The following RPL24 variants were observed in gnomAD, a reference collection of about 807,000 sequenced individuals.
The protein encoded by RPL24 is large ribosomal subunit protein eL24.
In RPL24, 7 loss-of-function variants were observed where a neutral mutation model predicts 26.4. That is an observed-to-expected ratio of 0.27 (90% CI 0.15 to 0.50). RPL24 has a LOEUF of 0.50. RPL24 is among the 20% of genes least tolerant of loss of function. RPL24 has a pLI of 0.98. For synonymous variants in RPL24, 67 were observed against 65.2 expected, an observed-to-expected ratio of 1.03 and a Z score of -0.13; for missense variants, 109 against 194.9, an observed-to-expected ratio of 0.56 and a Z score of 2.62.
rs1193224331 is a variant in RPL24 at position 101,686,471 on chromosome 3, C to A, written c.81+11G>T. On this transcript the variant is annotated intron_variant, in intron 2 of 5. Coordinates refer to ENST00000394077, the MANE Select transcript of RPL24 (RefSeq NM_000986.4). ...TACAAGAAGGTAGGTGAAGCCGACG[C>A]GGCTTTTTACCTTCCCGTCGGTCCT... is the stretch of plus-strand genomic sequence containing the variant. 1 of 1,612,480 alleles carries A rather than the reference C, an allele frequency of 6.2e-7. No homozygotes were observed. Among genetic ancestry groups the A allele is most frequent in the Non-Finnish European group, 8.5e-7 (1 of 1,179,200 alleles).
At chr3:101,686,119 T>C (rs2108341671) in intron 2 of RPL24, 191 bp from the exon 3 acceptor site, 1 of 579,870 alleles carries the variant, frequency 1.7e-6, no homozygotes, top group South Asian at 2.1e-5. Flanking sequence ...TCCTTGCGTT[T>C]AGTCTTTTCT....
At chr3:101,683,613 G>A (rs1937289398) in intron 3 of RPL24, among the ~76,000 whole-genome samples, 1 of 68,964 alleles carries the variant, frequency 1.5e-5, no homozygotes, top group African/African-American at 3.8e-5. Flanking sequence ...GTATTTACCT[G>A]TTTAATATTC....
intron 2 of RPL24, chr3:101,686,225 C>T (rs1937340140): frequency 1.7e-6 from 1 of 582,328 alleles, no homozygotes; most frequent in Non-Finnish European, 3.1e-6. Context: ...CCAAAGGGTA[C>T]CTCCGTACCT....
At chr3:101,684,111 G>A (rs1045785736) in intron 3 of RPL24, among the ~76,000 whole-genome samples, 1 of 151,912 alleles carries the variant, frequency 6.6e-6, no homozygotes, top group Non-Finnish European at 1.5e-5. Flanking sequence ...CTCTTGCCTG[G>A]GCCTCCCAAA....
rs779186573 is a variant in RPL24 at position 101,686,572 on chromosome 3, G to T, written c.6-15C>A. On this transcript the variant is annotated splice_polypyrimidine_tract_variant and intron_variant, in intron 1 of 5. Transcript: ENST00000394077. ...ACAGCTCGACCCTGCAACAAAAAGT[G>T]AAAGTCCATCAGGGAGGGTGTCTAC... The T allele has an allele frequency of 6.2e-7, 1 of 1,614,214 alleles. No homozygotes were observed. The highest frequency in any genetic ancestry group is 1.1e-5 in the South Asian group (1 of 91,086).
intron 4 of RPL24, 97 bp from the exon 5 acceptor site, chr3:101,682,589 T>C (rs1273407013): frequency 1.7e-6 from 2 of 1,158,382 alleles, no homozygotes; most frequent in Admixed American, 2.1e-5. Context: ...ACAATGACCA[T>C]ATTCCTTCCT....
intron 3 of RPL24, among the ~76,000 whole-genome samples, chr3:101,684,173 T>C (rs1937299642): frequency 6.6e-6 from 1 of 151,746 alleles, no homozygotes; most frequent in Admixed American, 6.6e-5. Flanking sequence ...TTAACTTTTT[T>C]TTTTTTTTTT....
intron 1 of RPL24, 43 bp from the exon 2 acceptor site, chr3:101,686,600 C>T (rs2108342296): frequency 6.2e-7 from 1 of 1,613,926 alleles, no homozygotes; most frequent in Non-Finnish European, 8.5e-7. Context: ...GTGTCTACAG[C>T]CATGCCAGGG....
chr3:101,685,657 T>C (rs1448220493), intron 3 of RPL24, among the ~76,000 whole-genome samples, 161 bp downstream of exon 3: 3 of 152,238 alleles, frequency 2.0e-5, no homozygotes, highest in Non-Finnish European at 2.9e-5. Context: ...CTAAAATATA[T>C]AGAGACAGTT....
rs57278210 is a variant in RPL24 at position 101,684,776 on chromosome 3, C to CAAAAAAAAAAAAAAAAA, written c.192+1025_192+1041dup. On this transcript the variant is annotated intron_variant, in intron 3 of 5. Coordinates refer to ENST00000394077, the MANE Select transcript of RPL24 (RefSeq NM_000986.4). ...CTGAGCAACAGAGGACCTGTCTCCCCAAAAAAAAAAAAAAAAAAAAAAAAA... is the reference window on the plus strand; with the variant it reads ...CTGAGCAACAGAGGACCTGTCTCCCCAAAAAAAAAAAAAAAAAAAAAAAAAAAAAAAAAAAAAAAAAA... Among the ~76,000 whole-genome samples the CAAAAAAAAAAAAAAAAA allele has an allele frequency of 1.7e-3, 91 of 53,208 alleles. 13 individuals are homozygous for CAAAAAAAAAAAAAAAAA. Among genetic ancestry groups the CAAAAAAAAAAAAAAAAA allele is most frequent in the East Asian group, 2.1e-3 (3 of 1,406 alleles). The allele number at this position is 53,208 out of a possible 152,430, so 34.9% of individuals were successfully genotyped here. A position where few individuals can be genotyped will look rare whatever the true frequency, so the allele number is the denominator to read the frequency against.
In RPL24 at chr3:101,682,413, G is replaced by A; in HGVS notation, c.393+16C>T. On this transcript the variant is annotated intron_variant, in intron 5 of 5. Transcript: ENST00000394077. Reference sequence around the variant, plus strand: ...CTGTTGTATTGTTCAAGAAAGTAAAGAAACCCCATAATTACCTTAGCAGCA... The same window carrying A: ...CTGTTGTATTGTTCAAGAAAGTAAAAAAACCCCATAATTACCTTAGCAGCA... The A allele has an allele frequency of 1.2e-6, 2 of 1,604,334 alleles. No homozygotes were observed. Among genetic ancestry groups the A allele is most frequent in the Non-Finnish European group, 8.5e-7 (1 of 1,171,122 alleles).
rs972612373 is a variant in RPL24, at chr3:101,684,251, C to A, written c.193-1344G>T. ...ACAATCCCAGCTCACTGCAACCCCCCACTTCCTGGGTTCAAGCTATTCTCC... is the reference window on the plus strand; with the variant it reads ...ACAATCCCAGCTCACTGCAACCCCCAACTTCCTGGGTTCAAGCTATTCTCC... On this transcript the variant is annotated intron_variant, in intron 3 of 5. Transcript: ENST00000394077. Among the ~76,000 whole-genome samples the A allele has an allele frequency of 7.9e-5, 12 of 151,994 alleles. 1 individual carries two copies. The highest frequency in any genetic ancestry group is 1.8e-4 in the Non-Finnish European group (12 of 67,994).
intron 3 of RPL24, among the ~76,000 whole-genome samples, chr3:101,683,186 CTG>C (rs1185998037): frequency 1.3e-5 from 2 of 152,012 alleles, no homozygotes; most frequent in Admixed American, 6.5e-5. Flanking sequence ...TAAATGAAGA[CTG>C]TTTATACTTT....
At chr3:101,682,390 G>C (rs949449858) in intron 5 of RPL24, 39 bp downstream of exon 5, 1 of 1,538,902 alleles carries the variant, frequency 6.5e-7, no homozygotes, top group East Asian at 2.2e-5. Context: ...AAATTTTCCT[G>C]TTGTATTGTT....
chr3:101,682,943 T>C, intron 3 of RPL24, 36 bp from the exon 4 acceptor site: 1 of 1,581,686 alleles, frequency 6.3e-7, no homozygotes, highest in Non-Finnish European at 8.6e-7. Context: ...CTTAGGAACC[T>C]TCCTTCAAGA....
chr3:101,686,177 C>A, intron 2 of RPL24: 1 of 574,466 alleles, frequency 1.7e-6, no homozygotes, highest in Non-Finnish European at 3.1e-6. Flanking sequence ...GTGGTGCGTC[C>A]TTCTGGGAAG....
At chr3:101,685,668 T>C in intron 3 of RPL24, 150 bp downstream of exon 3, 1 of 494,478 alleles carries the variant, frequency 2.0e-6, no homozygotes, top group Non-Finnish European at 3.7e-6. Context: ...AGAGACAGTT[T>C]ATAATATCTT....
At position 101,682,610 on chromosome 3, in the gene RPL24, C is replaced by CAT. The variant is rs1937277774; in HGVS notation, c.330-120_330-119dup. 24 of 1,120,130 alleles carry CAT rather than the reference C, an allele frequency of 2.1e-5. No homozygotes were observed. The East Asian group carries it at 5.7e-4, about 27-fold the overall frequency. 69.4% of individuals were successfully genotyped at this position (1,120,130 alleles called of 1,614,324 possible). ...ACCATATTCCTTCCTTCCCTACCTCCATTTATTTGTAGGCTAAATCCAAAG... is the reference window on the plus strand; with the variant it reads ...ACCATATTCCTTCCTTCCCTACCTCCATATTTATTTGTAGGCTAAATCCAAAG... On this transcript the variant is annotated intron_variant, in intron 4 of 5. Transcript: ENST00000394077.
At chr3:101,685,211 T>G (rs1937320970) in intron 3 of RPL24, among the ~76,000 whole-genome samples, 1 of 152,076 alleles carries the variant, frequency 6.6e-6, no homozygotes, top group Non-Finnish European at 1.5e-5. Context: ...CTAATAGGTG[T>G]GTCATATCCA....
Sources: allele counts gnomAD v4.1 joint callset (sites outside exome capture counted in the v4.1 genomes callset), GRCh38; gene constraint gnomAD v4.1.1; transcripts MANE v1.5; gene names NCBI Gene and HGNC (gene_info 2026-07-23, HGNC 2026-07-21).